LMBR1: variants seen among roughly 807,000 people sequenced by gnomAD.
LMBR1 encodes the protein limb development membrane protein 1.
Under a neutral mutation model 73.9 loss-of-function variants are expected in LMBR1, and 52 were observed. The ratio of observed to expected loss-of-function variants is 0.70; its 90% CI spans 0.56 to 0.89. The LOEUF (loss-of-function observed/expected upper bound fraction) is 0.89, where lower values mean the gene tolerates loss of function less well. LMBR1 is among the 40% of genes least tolerant of loss of function. The probability of loss-of-function intolerance (pLI) is 0.00; values close to 1 mark genes in which losing one functional copy is unlikely to be tolerated. For synonymous variants in LMBR1, 215 were observed against 209.4 expected, an observed-to-expected ratio of 1.03 and a Z score of -0.23; for missense variants, 539 against 579.8, an observed-to-expected ratio of 0.93 and a Z score of 0.72.
At chr7:156,765,791 A>C (rs995016168) in intron 5 of LMBR1, among the ~76,000 whole-genome samples, 2 of 152,182 alleles carry the variant, frequency 1.3e-5, no homozygotes, top group Non-Finnish European at 2.9e-5. Flanking sequence ...TAAGAAATAT[A>C]TGAACTAAAG....
At chr7:156,707,521 A>G (rs1274612113) in intron 15 of LMBR1, among the ~76,000 whole-genome samples, 1 of 152,166 alleles carries the variant, frequency 6.6e-6, no homozygotes, top group Non-Finnish European at 1.5e-5. Context: ...ATAATACACC[A>G]TGATCAGGCA....
chr7:156,734,259 T>C lies in LMBR1; in HGVS notation c.758-2A>G. 1 of 1,589,406 alleles carries C rather than the reference T, an allele frequency of 6.3e-7. No individual in the cohort carries two copies. The highest frequency in any genetic ancestry group is 8.5e-7 in the Non-Finnish European group (1 of 1,170,778). On this transcript the variant is annotated splice_acceptor_variant, in intron 9 of 16. Coordinates refer to ENST00000353442, the MANE Select transcript of LMBR1 (RefSeq NM_022458.4). LOFTEE classifies it high-confidence loss of function. ...TGTATTCCACCGATGAAGACAGCCC[T>C]GTTCAAAGCAAAAAATATTTAGAAG...
At chr7:156,855,831 T>C (rs911653431) in intron 1 of LMBR1, among the ~76,000 whole-genome samples, 4 of 152,054 alleles carry the variant, frequency 2.6e-5, no homozygotes, top group African/African-American at 7.2e-5. Context: ...TCAGAAACCA[T>C]GCAAGCAAAA....
chr7:156,849,833 C>G (rs1452653642), intron 1 of LMBR1, among the ~76,000 whole-genome samples: 1 of 152,128 alleles, frequency 6.6e-6, no homozygotes, highest in African/African-American at 2.4e-5. Flanking sequence ...ACTATGGAAT[C>G]TAAGTCATGA....
At chr7:156,885,830 A>G (rs1801799878) in intron 1 of LMBR1, among the ~76,000 whole-genome samples, 1 of 152,122 alleles carries the variant, frequency 6.6e-6, no homozygotes, top group Non-Finnish European at 1.5e-5. Flanking sequence ...GTGAGCCGAG[A>G]TTGTGCCACT....
chr7:156,892,911 C>A lies in LMBR1; in HGVS notation c.66+17G>T. 6.7e-7 allele frequency: 1 copy of A among 1,494,100 alleles called. No homozygotes were observed. The highest frequency in any genetic ancestry group is 8.9e-7 in the Non-Finnish European group (1 of 1,127,530). 92.6% of individuals were successfully genotyped at this position (1,494,100 alleles called of 1,614,324 possible). ...CGGGCACGCGGGACTGTCAGGGCTG[C>A]CTCGGTCCCCACGCACCGTGGACTC... On this transcript the variant is annotated intron_variant, in intron 1 of 16. Transcript: ENST00000353442.
intron 7 of LMBR1, among the ~76,000 whole-genome samples, 165 bp downstream of exon 7, chr7:156,762,943 A>G (rs1365949738): frequency 6.6e-6 from 1 of 152,106 alleles, no homozygotes. Context: ...GCATCTTATT[A>G]TTTCAAAGTT....
At chr7:156,874,733 T>C (rs1799906836) in intron 1 of LMBR1, among the ~76,000 whole-genome samples, 1 of 151,984 alleles carries the variant, frequency 6.6e-6, no homozygotes, top group African/African-American at 2.4e-5. Context: ...AGCCACATCC[T>C]TAGAAAAAGG....
intron 10 of LMBR1, chr7:156,733,819 A>G (rs1817324983): frequency 6.3e-6 from 1 of 159,574 alleles, no homozygotes; most frequent in South Asian, 2.0e-4. Flanking sequence ...TCACAATCAA[A>G]TTGTTCAAAA....
chr7:156,859,627 A>G (rs1474232608), intron 1 of LMBR1, among the ~76,000 whole-genome samples: 7 of 152,128 alleles, frequency 4.6e-5, no homozygotes, highest in African/African-American at 1.7e-4. Flanking sequence ...CTTGGATATA[A>G]AACTACAAAA....
At chr7:156,769,753 G>A (rs893113667) in intron 5 of LMBR1, among the ~76,000 whole-genome samples, 2 of 152,290 alleles carry the variant, frequency 1.3e-5, no homozygotes, top group South Asian at 2.1e-4. Flanking sequence ...TTGCATATGC[G>A]ACAGATCTGT....
chr7:156,860,138 G>GT (rs1254997598), intron 1 of LMBR1, among the ~76,000 whole-genome samples: 2 of 152,132 alleles, frequency 1.3e-5, no homozygotes, highest in Non-Finnish European at 1.5e-5. Flanking sequence ...AAAATAGATT[G>GT]TATTAGTCTG....
chr7:156,761,020 C>T (rs1220842511), intron 8 of LMBR1, among the ~76,000 whole-genome samples: 1 of 152,160 alleles, frequency 6.6e-6, no homozygotes, highest in Admixed American at 6.5e-5. Flanking sequence ...TGAGCTAGGC[C>T]GTAGGAGGCT....
rs1047808410 is a variant in LMBR1 at position 156,866,749 on chromosome 7, G to A, written c.66+26179C>T. Among the ~76,000 whole-genome samples the A allele has an allele frequency of 3.3e-5, 5 of 151,632 alleles. No individual in the cohort carries two copies. The East Asian group carries it at 5.8e-4, about 18-fold the overall frequency. On this transcript the variant is annotated intron_variant, in intron 1 of 16. Coordinates refer to ENST00000353442, the MANE Select transcript of LMBR1 (RefSeq NM_022458.4). Reference sequence around the variant, plus strand: ...CTCCTGAGTAGCTGAGATTATGGGCGCCCGCCACTGCACCCAGCTAAATTT... The same window carrying A: ...CTCCTGAGTAGCTGAGATTATGGGCACCCGCCACTGCACCCAGCTAAATTT...
chr7:156,776,932 T>TC (rs1826249052), intron 5 of LMBR1, among the ~76,000 whole-genome samples: 1 of 151,954 alleles, frequency 6.6e-6, no homozygotes, highest in African/African-American at 2.4e-5. Context: ...TCACAACTTT[T>TC]TTTTTTTTTT....
At chr7:156,700,114 T>C (rs2132042579) in intron 15 of LMBR1, among the ~76,000 whole-genome samples, 1 of 152,270 alleles carries the variant, frequency 6.6e-6, no homozygotes, top group East Asian at 1.9e-4. Flanking sequence ...TGCGGCACTA[T>C]TCACAATAGC....
chr7:156,764,992 TG>T (rs1286757753), intron 5 of LMBR1, among the ~76,000 whole-genome samples: 1 of 152,228 alleles, frequency 6.6e-6, no homozygotes, highest in African/African-American at 2.4e-5. Context: ...TCACCTTAAG[TG>T]TTCATAGCAT....
chr7:156,818,035 T>C (rs757604105), intron 4 of LMBR1, among the ~76,000 whole-genome samples: 5 of 152,196 alleles, frequency 3.3e-5, no homozygotes, highest in Non-Finnish European at 7.3e-5. Flanking sequence ...ATACACATTA[T>C]GATAAATGAC....
At chr7:156,739,002 G>A (rs1818407149) in intron 9 of LMBR1, among the ~76,000 whole-genome samples, 1 of 152,144 alleles carries the variant, frequency 6.6e-6, no homozygotes, top group Non-Finnish European at 1.5e-5. Context: ...GCCACAGTGG[G>A]GTAGAGTATC....
Sources: allele counts gnomAD v4.1 joint callset (sites outside exome capture counted in the v4.1 genomes callset), GRCh38; gene constraint gnomAD v4.1.1; transcripts MANE v1.5; gene names NCBI Gene and HGNC (gene_info 2026-07-23, HGNC 2026-07-21).